Variants in LOC400499 observed in about 807,000 individuals in gnomAD.
chr16:11,456,788 T>C, the LOC400499 span: 91 of 1,499,270 alleles, frequency 6.1e-5, no homozygotes, highest in Non-Finnish European at 5.5e-5. Flanking sequence ...GAAGGAGGCA[T>C]AGCTTGAGCA....
chr16:11,473,940 C>T, the LOC400499 span, among the ~76,000 whole-genome samples: 8 of 152,292 alleles, frequency 5.3e-5, no homozygotes, highest in East Asian at 7.7e-4. Flanking sequence ...ACTGTTGCCT[C>T]GACCTCCTGG....
chr16:11,387,352 C>A, the LOC400499 span: 1 of 1,216,790 alleles, frequency 8.2e-7, no homozygotes, highest in African/African-American at 1.6e-5. Context: ...CTTCCCTTGG[C>A]TGCAGAGGGG....
the LOC400499 span, among the ~76,000 whole-genome samples, chr16:11,503,837 A>G: frequency 6.6e-5 from 10 of 152,340 alleles, no homozygotes; most frequent in African/African-American, 2.4e-4. Flanking sequence ...AACTGCCACC[A>G]TCGCAGCTGG....
chr16:11,383,583 T>A, the LOC400499 span: 1 of 1,231,368 alleles, frequency 8.1e-7, no homozygotes, highest in Non-Finnish European at 1.0e-6. Context: ...TGGTTTTCCC[T>A]CTGGCCTGGA....
chr16:11,461,986 T>C, the LOC400499 span: 1 of 846,466 alleles, frequency 1.2e-6, no homozygotes, highest in Non-Finnish European at 1.7e-6. Context: ...ACATGGAGCT[T>C]GGATCTGCCC....
At chr16:11,457,074 G>A in the LOC400499 span, 5 of 1,487,374 alleles carry the variant, frequency 3.4e-6, no homozygotes, top group Admixed American at 8.6e-5. Context: ...ATGCCAATGG[G>A]ATCATGCCAC....
At chr16:11,472,125 T>C in the LOC400499 span, 1 of 274,116 alleles carries the variant, frequency 3.6e-6, no homozygotes, top group African/African-American at 2.2e-5. Flanking sequence ...CAAATATTTC[T>C]GCACATATTA....
the LOC400499 span, among the ~76,000 whole-genome samples, chr16:11,497,362 G>C: frequency 6.6e-6 from 1 of 152,232 alleles, no homozygotes; most frequent in African/African-American, 2.4e-5. Flanking sequence ...AGAAAACAAA[G>C]CTGTCTGTTT....
chr16:11,450,560 T>C, the LOC400499 span: 62 of 1,514,130 alleles, frequency 4.1e-5, no homozygotes, highest in African/African-American at 6.9e-4. Flanking sequence ...CAGAAAAAGA[T>C]CTCAGTGGCA....
the LOC400499 span, among the ~76,000 whole-genome samples, chr16:11,436,500 G>C: frequency 6.6e-6 from 1 of 152,152 alleles, no homozygotes; most frequent in Non-Finnish European, 1.5e-5. Flanking sequence ...TTCCTGATCT[G>C]GGCCTCAGTT....
At chr16:11,523,704 C>T in the LOC400499 span, 18 of 358,100 alleles carry the variant, frequency 5.0e-5, no homozygotes, top group African/African-American at 1.9e-4. Flanking sequence ...GCACCATCAT[C>T]CCTGATAGCT....
chr16:11,379,592 G>C, the LOC400499 span, among the ~76,000 whole-genome samples: 2 of 152,238 alleles, frequency 1.3e-5, no homozygotes, highest in African/African-American at 4.8e-5. Flanking sequence ...CCTGGTGACT[G>C]TGTCATGAGG....
the LOC400499 span, chr16:11,411,279 A>C: frequency 7.5e-6 from 3 of 399,178 alleles, no homozygotes; most frequent in Non-Finnish European, 1.3e-5. Flanking sequence ...TGGGGCAGAG[A>C]CCCAGGAGGA....
the LOC400499 span, among the ~76,000 whole-genome samples, chr16:11,398,187 G>A: frequency 2.6e-5 from 4 of 152,312 alleles, no homozygotes; most frequent in Admixed American, 2.0e-4. Flanking sequence ...GAGAGGAGAT[G>A]TGCACTGCCC....
the LOC400499 span, among the ~76,000 whole-genome samples, chr16:11,404,095 C>G: frequency 6.6e-6 from 1 of 152,210 alleles, no homozygotes; most frequent in Non-Finnish European, 1.5e-5. Context: ...CCTTCTCATC[C>G]TTCAGAACTC....
At chr16:11,482,156 A>G in the LOC400499 span, among the ~76,000 whole-genome samples, 1 of 152,228 alleles carries the variant, frequency 6.6e-6, no homozygotes, top group Non-Finnish European at 1.5e-5. Context: ...CAAGACACAG[A>G]CATCAGGCAA....
chr16:11,385,297 G>A, the LOC400499 span: 3 of 1,232,204 alleles, frequency 2.4e-6, no homozygotes, highest in East Asian at 3.2e-5. Flanking sequence ...CTCAGCGTCA[G>A]CGAGAATGTG....
chr16:11,481,103 G>A, the LOC400499 span, among the ~76,000 whole-genome samples: 6 of 152,214 alleles, frequency 3.9e-5, no homozygotes, highest in Non-Finnish European at 8.8e-5. Flanking sequence ...CAGACACAAA[G>A]GTCACATATT....
At chr16:11,477,938 G>A in the LOC400499 span, 3 of 398,910 alleles carry the variant, frequency 7.5e-6, no homozygotes, top group Non-Finnish European at 8.8e-6. Flanking sequence ...AGGAAGGCCA[G>A]ACACGGTGGG....
Sources: allele counts gnomAD v4.1 joint callset (sites outside exome capture counted in the v4.1 genomes callset), GRCh38; gene constraint gnomAD v4.1.1; transcripts MANE v1.5.